PDCD10: variants seen among roughly 807,000 people sequenced by gnomAD.
PDCD10 encodes programmed cell death 10, also known as programmed cell death protein 10.
A neutral mutation model predicts 29.2 loss-of-function variants in PDCD10; 4 were observed. That is an observed-to-expected ratio of 0.14 (90% confidence interval 0.07 to 0.31). The LOEUF (loss-of-function observed/expected upper bound fraction) is 0.31. Among genes scored for constraint, PDCD10 ranks in the 10% least tolerant of loss-of-function variants. The pLI, the probability that PDCD10 is intolerant of heterozygous loss-of-function variation, is 1.00. For synonymous variants in PDCD10, 70 were observed against 82.2 expected (o/e 0.85, Z 0.80); for missense variants, 183 against 257.9 (o/e 0.71, Z 1.99).
chr3:167,734,662 G>C lies in PDCD10; in HGVS notation c.-254C>G, dbSNP rs1265775235. ...ACTCGCGTAGGGTAACCTCGCTTAC[G>C]CCCGTAGGGCCCCGCTCTCAGCCCC... On this transcript the variant is annotated splice_region_variant and 5_prime_UTR_variant, in exon 1 of 9. Transcript: ENST00000392750. The C allele has an allele frequency of 2.0e-5, 3 of 153,298 alleles. No homozygotes were observed. Among genetic ancestry groups the C allele is most frequent in the African/African-American group, 7.2e-5 (3 of 41,462 alleles). 9.5% of individuals were successfully genotyped at this position (153,298 alleles called of 1,614,324 possible).
chr3:167,708,135 T>C (rs1024835254), intron 3 of PDCD10, among the ~76,000 whole-genome samples: 1 of 152,168 alleles, frequency 6.6e-6, no homozygotes, highest in African/African-American at 2.4e-5. Context: ...TTTACTCTGG[T>C]CCACTTATAA....
rs79228609 is a variant in PDCD10, at chr3:167,704,618, C to T, written c.150+224G>A. 2,510 of 434,546 alleles carry T rather than the reference C, an allele frequency of 5.8e-3. 50 individuals carry two copies. The highest frequency in any genetic ancestry group is 0.047 in the African/African-American group (2,318 of 49,336). 26.9% of individuals were successfully genotyped at this position (434,546 alleles called of 1,614,324 possible). On this transcript the variant is annotated intron_variant, in intron 4 of 8. Coordinates refer to ENST00000392750, the MANE Select transcript of PDCD10 (RefSeq NM_007217.4). ...TAAGGAGAGAACACTCTGAAAAACT[C>T]AGTTTCAAAAGCACAAAGTGATGAA...
intron 2 of PDCD10, among the ~76,000 whole-genome samples, chr3:167,730,061 T>C (rs546378655): frequency 1.3e-5 from 2 of 152,282 alleles, no homozygotes; most frequent in South Asian, 4.1e-4. Flanking sequence ...ATAATACACT[T>C]AAGACACATT....
chr3:167,725,538 G>C (rs891465854), intron 2 of PDCD10: 4 of 151,614 alleles, frequency 2.6e-5, no homozygotes, highest in African/African-American at 9.7e-5. Flanking sequence ...AAATGAGCTT[G>C]ATGTCTTAAG....
chr3:167,700,404 A>C (rs1721275548), intron 4 of PDCD10, among the ~76,000 whole-genome samples: 1 of 152,144 alleles, frequency 6.6e-6, no homozygotes, highest in South Asian at 2.1e-4. Flanking sequence ...AAGTGTGCTC[A>C]AGAAGCAAAG....
intron 4 of PDCD10, among the ~76,000 whole-genome samples, chr3:167,698,688 A>C (rs1721064283): frequency 6.6e-6 from 1 of 152,242 alleles, no homozygotes; most frequent in African/African-American, 2.4e-5. Context: ...ACAATACTTT[A>C]TCTTATCTAG....
At chr3:167,694,185 A>G (rs540923810) in intron 6 of PDCD10, among the ~76,000 whole-genome samples, 1 of 152,344 alleles carries the variant, frequency 6.6e-6, no homozygotes, top group Non-Finnish European at 1.5e-5. Context: ...ACACTTAAAA[A>G]ATGGAATGCA....
chr3:167,684,429 A>G (rs538109882), intron 8 of PDCD10, 40 bp from the exon 9 acceptor site: 5 of 1,191,110 alleles, frequency 4.2e-6, no homozygotes, highest in Admixed American at 3.4e-5. Context: ...TTTCATCCAA[A>G]AAATTCACCC....
intron 3 of PDCD10, among the ~76,000 whole-genome samples, chr3:167,714,761 A>C (rs1475140364): frequency 6.6e-6 from 1 of 151,920 alleles, no homozygotes; most frequent in Non-Finnish European, 1.5e-5. Context: ...TTACAATGAA[A>C]ACTATAAAAC....
At chr3:167,693,437 T>C (rs185283234) in intron 6 of PDCD10, among the ~76,000 whole-genome samples, 5 of 152,338 alleles carry the variant, frequency 3.3e-5, no homozygotes, top group Admixed American at 3.3e-4. Context: ...CAAATGTTGA[T>C]AAGCTGTCAC....
chr3:167,721,380 C>T (rs1258690821), intron 2 of PDCD10, among the ~76,000 whole-genome samples: 1 of 152,046 alleles, frequency 6.6e-6, no homozygotes, highest in Non-Finnish European at 1.5e-5. Flanking sequence ...CATAACAAAA[C>T]CAAATTTGAA....
chr3:167,728,837 G>A (rs1471946478), intron 2 of PDCD10, among the ~76,000 whole-genome samples: 1 of 152,180 alleles, frequency 6.6e-6, no homozygotes, highest in Non-Finnish European at 1.5e-5. Context: ...AGTCTTGGCA[G>A]GGAAGAGAGA....
intron 2 of PDCD10, chr3:167,725,626 A>C (rs1724035940): frequency 6.6e-6 from 1 of 151,716 alleles, no homozygotes; most frequent in Non-Finnish European, 1.5e-5. Flanking sequence ...AGTTTTCTTA[A>C]TAAAGTTAAG....
In PDCD10 at chr3:167,720,118, T is replaced by A. The variant is rs1217823676; in HGVS notation, c.40A>T (p.Thr14Ser). 11 of 1,612,442 alleles carry A rather than the reference T, an allele frequency of 6.8e-6. No homozygotes were observed. The highest frequency in any genetic ancestry group is 9.3e-6 in the Non-Finnish European group (11 of 1,178,790). ...TMEEMKNEAE[T>S]TSMVSMPLYA... Reference sequence around the variant, plus strand: ...AGGGGCATAGAAACCATGGATGTGGTCTCAGCTTCATTCTTCATCTCTTCC... The same window carrying A: ...AGGGGCATAGAAACCATGGATGTGGACTCAGCTTCATTCTTCATCTCTTCC... Residue 14 changes from threonine (T) to serine (S), a missense_variant, in exon 3 of 9, where the codon ACC becomes TCC. Thr to Ser is a moderately conservative substitution (Grantham distance 58). Transcript: ENST00000392750.
intron 4 of PDCD10, among the ~76,000 whole-genome samples, chr3:167,698,242 T>G (rs1409053691): frequency 6.6e-6 from 1 of 152,208 alleles, no homozygotes; most frequent in African/African-American, 2.4e-5. Context: ...TTCGGATCAT[T>G]TTAAATGCTG....
intron 3 of PDCD10, among the ~76,000 whole-genome samples, chr3:167,712,706 T>C (rs958067865): frequency 6.6e-5 from 10 of 151,916 alleles, no homozygotes; most frequent in Admixed American, 6.6e-5. Flanking sequence ...ACCTGTTGCC[T>C]ACGAGAAACA....
At chr3:167,717,663 TGAAGGAACATTATTTTA>T (rs1723153871) in intron 3 of PDCD10, among the ~76,000 whole-genome samples, 1 of 152,040 alleles carries the variant, frequency 6.6e-6, no homozygotes, top group East Asian at 1.9e-4. Flanking sequence ...ACCTCATATT[TGAAGGAACATTATTTTA>T]CTCCACTCCC....
intron 2 of PDCD10, among the ~76,000 whole-genome samples, chr3:167,731,998 T>C (rs1352690335): frequency 6.6e-6 from 1 of 152,102 alleles, no homozygotes; most frequent in African/African-American, 2.4e-5. Flanking sequence ...CTGAAAGGCA[T>C]GGTAAATGAG....
At position 167,683,760 on chromosome 3, in the gene PDCD10, C is replaced by T. The variant is rs1038957696; in HGVS notation, c.*548G>A. On this transcript the variant is annotated 3_prime_UTR_variant, in exon 9 of 9. Transcript: ENST00000392750. ...TTAAGGACAAAAATAGAAATTCTTGCTTTATTATTTGATAAACTGCTGATA... is the reference window on the plus strand; with the variant it reads ...TTAAGGACAAAAATAGAAATTCTTGTTTTATTATTTGATAAACTGCTGATA... 76 of 150,432 alleles carry T rather than the reference C, an allele frequency of 5.1e-4. No homozygotes were observed. Among genetic ancestry groups the T allele is most frequent in the African/African-American group, 1.8e-3 (75 of 41,110 alleles). The allele number at this position is 150,432 out of a possible 1,614,324, so 9.3% of individuals were successfully genotyped here. A position where few individuals can be genotyped will look rare whatever the true frequency, so the allele number is the denominator to read the frequency against.
Sources: gnomAD v4.1 joint callset for allele counts (sites outside exome capture counted in the v4.1 genomes callset) on GRCh38, gnomAD v4.1.1 for gene constraint, MANE v1.5 for transcripts, NCBI Gene and HGNC (gene_info 2026-07-23, HGNC 2026-07-21) for gene names.